SASH1: variants seen among roughly 807,000 people sequenced by gnomAD.
The protein encoded by SASH1 is SAM and SH3 domain-containing protein 1.
In SASH1, 44 loss-of-function variants were observed where a neutral mutation model predicts 125.2. The observed-to-expected ratio is 0.35, with a 90% CI of 0.28 to 0.45. The LOEUF is 0.45. SASH1 is among the 20% of genes least tolerant of loss of function. The probability of loss-of-function intolerance (pLI) is 1.00; values close to 1 mark genes in which losing one functional copy is unlikely to be tolerated. For missense variants in SASH1, 1,426 were observed against 1,614.5 expected, an observed-to-expected ratio of 0.88 and a Z score of 2.00; for synonymous variants, 639 against 649.1, an observed-to-expected ratio of 0.98 and a Z score of 0.24.
intron 1 of SASH1, among the ~76,000 whole-genome samples, chr6:148,361,399 ACCAGC>A (rs1275454157): frequency 6.6e-6 from 1 of 152,106 alleles, no homozygotes; most frequent in Non-Finnish European, 1.5e-5. Flanking sequence ...GGAGTTTGAG[ACCAGC>A]CCAGCCTGAC....
chr6:148,466,929 G>A (rs1478040109), intron 4 of SASH1, among the ~76,000 whole-genome samples: 2 of 152,028 alleles, frequency 1.3e-5, no homozygotes, highest in African/African-American at 4.8e-5. Context: ...TTGTAGTGAA[G>A]ATTCAGGTTT....
intron 9 of SASH1, among the ~76,000 whole-genome samples, chr6:148,515,554 C>T (rs1368024195): frequency 6.6e-6 from 1 of 152,114 alleles, no homozygotes; most frequent in Non-Finnish European, 1.5e-5. Flanking sequence ...AAAACAAAAA[C>T]ATGGGGAGAG....
intron 4 of SASH1, among the ~76,000 whole-genome samples, chr6:148,443,360 T>C (rs544754474): frequency 4.8e-5 from 5 of 104,164 alleles, no homozygotes; most frequent in South Asian, 9.0e-4. Context: ...ATTAGTGATA[T>C]TAATTTTGGT....
At chr6:148,467,043 A>G (rs557852543) in intron 4 of SASH1, among the ~76,000 whole-genome samples, 1 of 147,624 alleles carries the variant, frequency 6.8e-6, no homozygotes, top group Non-Finnish European at 1.5e-5. Context: ...GGATTTGGAC[A>G]CACCTAATGA....
At chr6:148,205,933 C>T in the SASH1 span, among the ~76,000 whole-genome samples, 14 of 152,200 alleles carry the variant, frequency 9.2e-5, no homozygotes. Flanking sequence ...TTTTGCATTC[C>T]ATTGCCTCAG....
chr6:148,244,416 A>G, the SASH1 span, among the ~76,000 whole-genome samples: 3 of 152,208 alleles, frequency 2.0e-5, no homozygotes, highest in South Asian at 2.1e-4. Flanking sequence ...CAACCACATC[A>G]GAATACTACA....
At chr6:148,432,879 C>T (rs1318390063) in intron 2 of SASH1, among the ~76,000 whole-genome samples, 1 of 152,172 alleles carries the variant, frequency 6.6e-6, no homozygotes, top group Non-Finnish European at 1.5e-5. Flanking sequence ...TGGGATGTAG[C>T]TCCTAAAGCC....
chr6:148,519,582 C>T lies in SASH1; in HGVS notation c.898C>T (p.Leu300=), dbSNP rs1780670844. ...EEHVFENSPV[L]DERSALYSGV... The stretch of plus-strand genomic sequence containing the variant: ...GCACGTGTTTGAGAATTCGCCGGTC[C>T]TGGATGAACGGTCCGCCCTCTACTC... Residue 300 remains leucine, a synonymous_variant, in exon 10 of 20, where the codon CTG becomes TTG. Coordinates refer to ENST00000367467, the MANE Select transcript of SASH1 (RefSeq NM_015278.5). This position sits in a 1 kb window ranked among gnomAD's most constrained non-coding sequence, Gnocchi z 4.8. 6.2e-7 allele frequency: 1 copy of T among 1,614,040 alleles called. No individual in the cohort carries two copies. Among genetic ancestry groups the T allele is most frequent in the Non-Finnish European group, 8.5e-7 (1 of 1,180,030 alleles).
At chr6:148,510,417 G>A (rs1368404278) in intron 8 of SASH1, among the ~76,000 whole-genome samples, 1 of 152,112 alleles carries the variant, frequency 6.6e-6, no homozygotes, top group Non-Finnish European at 1.5e-5. Context: ...GTGGGACAAG[G>A]GAGGGGAGGC....
chr6:148,325,369 C>T (rs564639205), intron 1 of SASH1, among the ~76,000 whole-genome samples: 12 of 152,050 alleles, frequency 7.9e-5, no homozygotes, highest in African/African-American at 9.6e-5. Flanking sequence ...CTCTGCCTCC[C>T]GGGTTCAAGT....
intron 1 of SASH1, among the ~76,000 whole-genome samples, chr6:148,367,957 G>A (rs901110743): frequency 6.6e-6 from 1 of 152,158 alleles, no homozygotes; most frequent in African/African-American, 2.4e-5. Context: ...AAGAAATAAT[G>A]GAGTGGAGGA....
the SASH1 span, among the ~76,000 whole-genome samples, chr6:148,205,555 C>G: frequency 2.0e-5 from 3 of 152,092 alleles, no homozygotes; most frequent in African/African-American, 7.2e-5. Context: ...AATGTCAGTG[C>G]TAAGTAGTCC....
chr6:148,317,919 G>A (rs1780523710), intron 1 of SASH1, among the ~76,000 whole-genome samples: 1 of 152,190 alleles, frequency 6.6e-6, no homozygotes, highest in Non-Finnish European at 1.5e-5. Flanking sequence ...TTATGTGAAA[G>A]GTTGTGTTTT....
chr6:148,402,605 G>C (rs952947389), intron 2 of SASH1, among the ~76,000 whole-genome samples: 1 of 142,734 alleles, frequency 7.0e-6, no homozygotes, highest in African/African-American at 2.7e-5. Context: ...CACTGCGACC[G>C]GCCAAAAATG....
At chr6:148,298,844 AAAGG>A (rs1160603433) in intron 1 of SASH1, among the ~76,000 whole-genome samples, 2 of 133,750 alleles carry the variant, frequency 1.5e-5, no homozygotes, top group Non-Finnish European at 3.2e-5. Flanking sequence ...AGGAAGGAAA[AAAGG>A]AAGGAAGGGA....
At position 148,460,619 on chromosome 6, in the gene SASH1, C is replaced by T. The variant is rs139143646; in HGVS notation, c.387-7926C>T. On this transcript the variant is annotated intron_variant, in intron 4 of 19. Coordinates refer to ENST00000367467, the MANE Select transcript of SASH1 (RefSeq NM_015278.5). ...GTGCCTATATTGAAAAGCTATGCAACATCAATGACAAATTATTTAGTAGAC... is the reference window on the plus strand; with the variant it reads ...GTGCCTATATTGAAAAGCTATGCAATATCAATGACAAATTATTTAGTAGAC... 2.1e-3 allele frequency among the ~76,000 whole-genome samples: 323 copies of T among 152,200 alleles called. 2 individuals carry two copies. Among genetic ancestry groups the T allele is most frequent in the Admixed American group, 5.1e-3 (78 of 15,272 alleles).
chr6:148,353,435 A>ATTTTTTTTTT (rs377513066), intron 1 of SASH1, among the ~76,000 whole-genome samples: 1 of 108,800 alleles, frequency 9.2e-6, no homozygotes, highest in Non-Finnish European at 1.8e-5. Flanking sequence ...TTTAAGATTG[A>ATTTTTTTTTT]TTTTTTTTTT....
chr6:148,387,581 TTTC>T lies in SASH1; in HGVS notation c.157-2550_157-2548del, dbSNP rs1562370899. ...TCTTTCTTTTCTCTTTCTTTCTTTC[TTTC>T]TTTCTTTCTTTCTTTCTTTCTTTCT... On this transcript the variant is annotated intron_variant, in intron 1 of 19. Transcript: ENST00000367467. Among the ~76,000 whole-genome samples the T allele has an allele frequency of 0.025, 158 of 6,230 alleles. No homozygotes were observed. The Middle Eastern group carries it at 0.28, about 11-fold the overall frequency. 4.1% of individuals were successfully genotyped at this position (6,230 alleles called of 152,430 possible). A position where few individuals can be genotyped will look rare whatever the true frequency, so the allele number is the denominator to read the frequency against.
rs928405579 is a variant in SASH1, at chr6:148,413,480, G to A, written c.285+23218G>A. Among the ~76,000 whole-genome samples the A allele has an allele frequency of 3.3e-5, 5 of 152,100 alleles. No individual in the cohort carries two copies. In the East Asian group the frequency reaches 9.7e-4, roughly 29 times the overall value. On this transcript the variant is annotated intron_variant, in intron 2 of 19. Transcript: ENST00000367467. ...CAGGGAGAAAGGGGAGGAGGAAGGA[G>A]AATGTGCGGGAAAGATCAGGAGCTC...
Sources: allele counts gnomAD v4.1 joint callset (sites outside exome capture counted in the v4.1 genomes callset), GRCh38; gene constraint gnomAD v4.1.1; non-coding constraint Gnocchi (gnomAD v3.1); transcripts MANE v1.5; gene names NCBI Gene and HGNC (gene_info 2026-07-23, HGNC 2026-07-21).